Variants in FHIT observed in about 807,000 individuals in gnomAD.
FHIT encodes the protein bis(5'-adenosyl)-triphosphatase.
In FHIT, 19 loss-of-function variants were observed where a neutral mutation model predicts 17.9. The ratio of observed to expected loss-of-function variants is 1.06; its 90% CI spans 0.74 to 1.56. FHIT has a LOEUF of 1.56. Among genes scored for constraint, FHIT ranks in the 40% most tolerant of loss-of-function variants. FHIT has a pLI of 0.00. For missense variants in FHIT, 248 were observed against 189.2 expected, an observed-to-expected ratio of 1.31 and a Z score of -1.82; for synonymous variants, 81 against 69.7, an observed-to-expected ratio of 1.16 and a Z score of -0.81.
chr3:60,352,493 C>G (rs1388056061), intron 5 of FHIT, among the ~76,000 whole-genome samples: 1 of 151,926 alleles, frequency 6.6e-6, no homozygotes, highest in Non-Finnish European at 1.5e-5. Flanking sequence ...TTTCTAAAAG[C>G]ATTTCTTTTT....
At chr3:59,759,683 T>G (rs906520922) in intron 8 of FHIT, among the ~76,000 whole-genome samples, 1 of 152,172 alleles carries the variant, frequency 6.6e-6, no homozygotes, top group African/African-American at 2.4e-5. Flanking sequence ...CTGGATGCTT[T>G]CATGCTTCTG....
chr3:60,494,197 A>G (rs1390206842), intron 5 of FHIT, among the ~76,000 whole-genome samples: 1 of 152,220 alleles, frequency 6.6e-6, no homozygotes, highest in Non-Finnish European at 1.5e-5. Context: ...TGGCCATTAC[A>G]GCCATTCTAC....
rs782624519 is a variant in FHIT at position 60,629,084 on chromosome 3, A to T, written c.-17-92105T>A. ...TAGTTGGGGGTAGGTGGAAGAAGGT[A>T]ATTCCTAAACTTTCCGCCACTCTCA... On this transcript the variant is annotated intron_variant, in intron 4 of 9. Coordinates refer to ENST00000492590, the MANE Select transcript of FHIT (RefSeq NM_002012.4). Among the ~76,000 whole-genome samples, 22 of 152,264 alleles carry T rather than the reference A, an allele frequency of 1.4e-4. 1 individual carries two copies. The highest frequency in any genetic ancestry group is 6.8e-3 in the Middle Eastern group (2 of 294).
intron 1 of FHIT, chr3:61,244,282 A>G (rs1469416003): frequency 6.6e-6 from 1 of 152,214 alleles, no homozygotes; most frequent in African/African-American, 2.4e-5. Flanking sequence ...CAAGCCTGAG[A>G]GCCACTAGTT....
chr3:60,348,829 A>C (rs529611711), intron 5 of FHIT, among the ~76,000 whole-genome samples: 30 of 152,348 alleles, frequency 2.0e-4, no homozygotes, highest in African/African-American at 7.2e-4. Flanking sequence ...ATTTGCCATC[A>C]GCATTAGAAC....
chr3:61,199,165 T>G (rs949883728), intron 2 of FHIT, among the ~76,000 whole-genome samples: 1 of 152,164 alleles, frequency 6.6e-6, no homozygotes, highest in African/African-American at 2.4e-5. Flanking sequence ...CATGTCTGAT[T>G]CCAGAGTACC....
intron 5 of FHIT, among the ~76,000 whole-genome samples, chr3:60,319,697 C>G (rs143041937): frequency 2.6e-5 from 4 of 152,098 alleles, no homozygotes; most frequent in Admixed American, 2.6e-4. Flanking sequence ...ACAATGAAAC[C>G]GCACAAATAA....
At chr3:59,912,844 GT>G (rs1378502899) in intron 8 of FHIT, among the ~76,000 whole-genome samples, 1 of 152,096 alleles carries the variant, frequency 6.6e-6, no homozygotes, top group Non-Finnish European at 1.5e-5. Context: ...AAGCAAGACT[GT>G]TTCTTTTTCA....
At chr3:60,056,070 G>A (rs1702068266) in intron 5 of FHIT, among the ~76,000 whole-genome samples, 1 of 152,194 alleles carries the variant, frequency 6.6e-6, no homozygotes, top group Non-Finnish European at 1.5e-5. Context: ...TCATTCTTCT[G>A]GAAGGTATCT....
At chr3:60,386,109 C>T (rs1164055222) in intron 5 of FHIT, among the ~76,000 whole-genome samples, 2 of 152,110 alleles carry the variant, frequency 1.3e-5, no homozygotes, top group Non-Finnish European at 2.9e-5. Context: ...TGCAGAGCAA[C>T]CATGTGGCAG....
At chr3:61,242,041 A>G (rs998558601) in intron 1 of FHIT, among the ~76,000 whole-genome samples, 2 of 152,206 alleles carry the variant, frequency 1.3e-5, no homozygotes, top group Admixed American at 1.3e-4. Context: ...ATGCTGAAAA[A>G]TGAAATTACG....
At chr3:60,518,642 T>C (rs2035246162) in intron 5 of FHIT, among the ~76,000 whole-genome samples, 1 of 152,152 alleles carries the variant, frequency 6.6e-6, no homozygotes, top group Non-Finnish European at 1.5e-5. Flanking sequence ...TACACATATG[T>C]CGAAAAGTCA....
chr3:60,695,742 G>GTT (rs1466795214), intron 4 of FHIT, among the ~76,000 whole-genome samples: 4 of 152,214 alleles, frequency 2.6e-5, no homozygotes, highest in African/African-American at 9.7e-5. Context: ...GGACAAGATT[G>GTT]TAGAGGCTCT....
chr3:60,011,533 T>G lies in FHIT; in HGVS notation c.250-133A>C, dbSNP rs536016666. 2.6e-4 allele frequency: 202 copies of G among 785,600 alleles called. 1 individual carries two copies. The East Asian group carries it at 5.3e-3, about 21-fold the overall frequency. 48.7% of individuals were successfully genotyped at this position (785,600 alleles called of 1,614,324 possible). ...ATTTATAGTATTCTCATGGGGACCA[T>G]TGGCTTCAAATGTGCGGGATTAGAC... On this transcript the variant is annotated intron_variant, in intron 6 of 9. Coordinates refer to ENST00000492590, the MANE Select transcript of FHIT (RefSeq NM_002012.4).
At chr3:60,285,829 AC>A (rs1327958154) in intron 5 of FHIT, among the ~76,000 whole-genome samples, 9 of 152,206 alleles carry the variant, frequency 5.9e-5, no homozygotes, top group African/African-American at 2.2e-4. Flanking sequence ...ATAATGTAAT[AC>A]ATTCATATTA....
At position 60,891,021 on chromosome 3, in the gene FHIT, G is replaced by GGATT. The variant is rs547387371; in HGVS notation, c.-110-69011_-110-69010insAATC. Among the ~76,000 whole-genome samples the GGATT allele has an allele frequency of 7.0e-4, 107 of 152,312 alleles. No homozygotes were observed. In the East Asian group the frequency reaches 0.017, roughly 24 times the overall value. ...ATTAAAGCTTTTTAATTTCTGCTTA[G>GGATT]TGGTATTAGGATTTAATTGATGCCA... On this transcript the variant is annotated intron_variant, in intron 3 of 9. Transcript: ENST00000492590.
At chr3:60,228,142 C>G (rs1484988297) in intron 5 of FHIT, among the ~76,000 whole-genome samples, 1 of 152,130 alleles carries the variant, frequency 6.6e-6, no homozygotes, top group Non-Finnish European at 1.5e-5. Flanking sequence ...TTTTTGAACT[C>G]CCACTGTACG....
intron 4 of FHIT, among the ~76,000 whole-genome samples, chr3:60,604,966 T>A (rs2038563446): frequency 1.3e-5 from 2 of 152,200 alleles, no homozygotes. Flanking sequence ...AAGAGCTTTC[T>A]GACTTCATTC....
chr3:60,763,549 C>T lies in FHIT; in HGVS notation c.-18+58370G>A, dbSNP rs148193643. On this transcript the variant is annotated intron_variant, in intron 4 of 9. Coordinates refer to ENST00000492590, the MANE Select transcript of FHIT (RefSeq NM_002012.4). The stretch of plus-strand genomic sequence containing the variant: ...TGGCATATGGGTGAAAACTTGTCAC[C>T]GGACATATAGCTAGTAAGTGGCAAA... Among the ~76,000 whole-genome samples, 22 of 152,258 alleles carry T rather than the reference C, an allele frequency of 1.4e-4. No individual in the cohort carries two copies. In the East Asian group the frequency reaches 3.7e-3, roughly 25 times the overall value.
Sources: gnomAD v4.1 joint callset for allele counts (sites outside exome capture counted in the v4.1 genomes callset) on GRCh38, gnomAD v4.1.1 for gene constraint, MANE v1.5 for transcripts, NCBI Gene and HGNC (gene_info 2026-07-23, HGNC 2026-07-21) for gene names.